The following DCC variants were observed in gnomAD, a reference collection of about 807,000 sequenced individuals.
The protein encoded by DCC is DCC netrin 1 receptor, also known as netrin receptor DCC.
A neutral mutation model predicts 172.5 loss-of-function variants in DCC; 58 were observed. The ratio of observed to expected loss-of-function variants is 0.34; its 90% CI spans 0.27 to 0.42. DCC has a LOEUF of 0.42. Among genes scored for constraint, DCC ranks in the 10% least tolerant of loss-of-function variants. DCC has a pLI of 1.00. For synonymous variants in DCC, 709 were observed against 644.5 expected, an observed-to-expected ratio of 1.10 and a Z score of -1.52; for missense variants, 1,740 against 1,791.0, an observed-to-expected ratio of 0.97 and a Z score of 0.51.
At chr18:53,275,037 T>C (rs552615979) in intron 12 of DCC, among the ~76,000 whole-genome samples, 1 of 152,238 alleles carries the variant, frequency 6.6e-6, no homozygotes, top group South Asian at 2.1e-4. Context: ...AATTTTAAAT[T>C]GTCAATCAAT....
At chr18:53,126,793 T>G (rs1046198042) in intron 7 of DCC, among the ~76,000 whole-genome samples, 8 of 152,146 alleles carry the variant, frequency 5.3e-5, no homozygotes, top group African/African-American at 1.9e-4. Context: ...TGGTGACATT[T>G]GAGTTGACAG....
chr18:53,401,870 C>A (rs914059209), intron 18 of DCC, among the ~76,000 whole-genome samples: 1 of 152,132 alleles, frequency 6.6e-6, no homozygotes, highest in Non-Finnish European at 1.5e-5. Context: ...AGTTTGCTGC[C>A]ACCTTTAAAT....
At chr18:53,073,487 C>A (rs1296345199) in intron 7 of DCC, among the ~76,000 whole-genome samples, 7 of 152,156 alleles carry the variant, frequency 4.6e-5, no homozygotes, top group Non-Finnish European at 8.8e-5. Flanking sequence ...GATAGCACCA[C>A]TGCACTCCAG....
intron 2 of DCC, among the ~76,000 whole-genome samples, chr18:52,873,122 T>C (rs2039347922): frequency 6.6e-6 from 1 of 152,180 alleles, no homozygotes; most frequent in East Asian, 1.9e-4. Flanking sequence ...TCCTACAAAA[T>C]ATCTTTACCT....
chr18:52,874,397 A>G (rs1453067590), intron 2 of DCC, among the ~76,000 whole-genome samples: 1 of 152,226 alleles, frequency 6.6e-6, no homozygotes, highest in African/African-American at 2.4e-5. Context: ...TTTATAATCA[A>G]AATTGACCAT....
Position 53,425,357 on chromosome 18 carries a change from C to CTTTTTT in DCC, c.3163+9216_3163+9221dup, listed in dbSNP as rs747096336. Among the ~76,000 whole-genome samples, 110 of 101,642 alleles carry CTTTTTT rather than the reference C, an allele frequency of 1.1e-3. 4 individuals carry two copies. Among genetic ancestry groups the CTTTTTT allele is most frequent in the African/African-American group, 3.3e-3 (90 of 27,450 alleles). The allele number at this position is 101,642 out of a possible 152,430, so 66.7% of individuals were successfully genotyped here. ...CCACAATTTTCCCCGTTTCTCCTCT[C>CTTTTTT]TTTTTTTTTTTTTTTTTTTTGAGAC... On this transcript the variant is annotated intron_variant, in intron 21 of 28. Coordinates refer to ENST00000442544, the MANE Select transcript of DCC (RefSeq NM_005215.4).
chr18:52,466,741 G>T (rs767597179), intron 1 of DCC, among the ~76,000 whole-genome samples: 55 of 152,072 alleles, frequency 3.6e-4, no homozygotes, highest in Non-Finnish European at 5.9e-4. Flanking sequence ...TTTCAAATTA[G>T]AACACACTGC....
At chr18:52,752,719 T>C (rs2037017250) in intron 2 of DCC, among the ~76,000 whole-genome samples, 1 of 152,198 alleles carries the variant, frequency 6.6e-6, no homozygotes, top group Non-Finnish European at 1.5e-5. Context: ...TGAAACCTTG[T>C]GCCCTTTGAC....
chr18:53,239,951 T>C (rs2056263337), intron 12 of DCC, among the ~76,000 whole-genome samples: 1 of 151,458 alleles, frequency 6.6e-6, no homozygotes, highest in African/African-American at 2.4e-5. Flanking sequence ...AGGCAATGCT[T>C]TTTATTTTTG....
chr18:52,395,778 C>T (rs1259560072), intron 1 of DCC, among the ~76,000 whole-genome samples: 1 of 151,958 alleles, frequency 6.6e-6, no homozygotes, highest in Non-Finnish European at 1.5e-5. Context: ...CATGGCTCCT[C>T]CTGAAGTCAA....
chr18:52,710,899 C>A (rs16955414), intron 1 of DCC, among the ~76,000 whole-genome samples: 5,642 of 152,254 alleles, frequency 0.037, 148 homozygotes, highest in African/African-American at 0.065. Context: ...TTGCCTCTGA[C>A]ATACACATCA....
intron 7 of DCC, among the ~76,000 whole-genome samples, chr18:53,128,909 T>G (rs2043611222): frequency 7.3e-6 from 1 of 136,890 alleles, no homozygotes; most frequent in Admixed American, 7.4e-5. Flanking sequence ...ATATATTATT[T>G]GGAGTCTTGC....
intron 1 of DCC, among the ~76,000 whole-genome samples, chr18:52,662,355 C>G (rs186955205): frequency 6.6e-6 from 1 of 152,162 alleles, no homozygotes; most frequent in Non-Finnish European, 1.5e-5. Context: ...TAGAAACAAT[C>G]CAATAAGGAT....
chr18:52,377,690 T>G (rs1985408190), intron 1 of DCC, among the ~76,000 whole-genome samples: 2 of 149,616 alleles, frequency 1.3e-5, no homozygotes, highest in South Asian at 2.1e-4. Flanking sequence ...AAAAAAACTA[T>G]TAAGCCACTT....
intron 1 of DCC, among the ~76,000 whole-genome samples, chr18:52,534,205 G>A (rs1045656823): frequency 6.6e-6 from 1 of 151,826 alleles, no homozygotes; most frequent in Admixed American, 6.6e-5. Context: ...AAACTATCAG[G>A]CACTGTATTA....
chr18:53,031,042 T>G (rs1015425398), intron 5 of DCC, among the ~76,000 whole-genome samples: 3 of 152,130 alleles, frequency 2.0e-5, no homozygotes, highest in Admixed American at 2.0e-4. Context: ...ATGGATCACG[T>G]GAGGTCAAGA....
At chr18:53,225,968 G>A (rs1159377749) in intron 12 of DCC, among the ~76,000 whole-genome samples, 1 of 152,158 alleles carries the variant, frequency 6.6e-6, no homozygotes, top group Admixed American at 6.5e-5. Context: ...AGAAAAAAAT[G>A]GGCATGGGGC....
intron 5 of DCC, among the ~76,000 whole-genome samples, chr18:53,035,761 G>T (rs2042084365): frequency 1.3e-5 from 2 of 151,902 alleles, no homozygotes; most frequent in Non-Finnish European, 2.9e-5. Context: ...ATTTTTATTG[G>T]CTTCATATTA....
intron 5 of DCC, among the ~76,000 whole-genome samples, chr18:53,023,026 G>C (rs2041903041): frequency 6.6e-6 from 1 of 151,972 alleles, no homozygotes; most frequent in Non-Finnish European, 1.5e-5. Context: ...TGGAAGGCTG[G>C]TTGTTAAAAA....
Sources: allele counts gnomAD v4.1 joint callset (sites outside exome capture counted in the v4.1 genomes callset), GRCh38; gene constraint gnomAD v4.1.1; transcripts MANE v1.5; gene names NCBI Gene and HGNC (gene_info 2026-07-23, HGNC 2026-07-21).